The following KLHL29 variants were observed in gnomAD, a reference collection of about 807,000 sequenced individuals.
KLHL29 encodes kelch-like protein 29.
KLHL29 carries 21 observed loss-of-function variants against 80.4 expected under a neutral mutation model. The observed-to-expected ratio is 0.26, with a 90% confidence interval of 0.19 to 0.38. The LOEUF (loss-of-function observed/expected upper bound fraction) is 0.38. KLHL29 is among the 10% of genes least tolerant of loss of function. The probability of loss-of-function intolerance (pLI) is 1.00; values close to 1 mark genes in which losing one functional copy is unlikely to be tolerated. For missense variants in KLHL29, 867 were observed against 1,223.9 expected (o/e 0.71, Z 4.35); for synonymous variants, 511 against 526.8 (o/e 0.97, Z 0.41).
At chr2:23,634,215 C>T (rs1052297571) in intron 3 of KLHL29, among the ~76,000 whole-genome samples, 1 of 152,028 alleles carries the variant, frequency 6.6e-6, no homozygotes, top group Non-Finnish European at 1.5e-5. Context: ...CCACATGGTA[C>T]AGAGCATCGT....
chr2:23,557,597 G>A (rs17045548), intron 2 of KLHL29, among the ~76,000 whole-genome samples: 23,109 of 152,080 alleles, frequency 0.15, 2,584 homozygotes, highest in African/African-American at 0.29. Flanking sequence ...CACCAGAACT[G>A]TAAGGCGCGG....
intron 5 of KLHL29, among the ~76,000 whole-genome samples, chr2:23,660,063 C>G (rs755521029): frequency 1.2e-4 from 19 of 152,172 alleles, no homozygotes; most frequent in Non-Finnish European, 1.9e-4. Context: ...CCTGTTCCTC[C>G]TCCAGAAAAC....
intron 2 of KLHL29, among the ~76,000 whole-genome samples, chr2:23,506,372 T>A (rs921076340): frequency 6.6e-6 from 1 of 152,206 alleles, no homozygotes; most frequent in Non-Finnish European, 1.5e-5. Context: ...ATGGAACTAA[T>A]ACCTTCCCTA....
chr2:23,581,748 A>G lies in KLHL29; in HGVS notation c.285+19267A>G, dbSNP rs572615300. ...GAGGCTGAGGCAGGAGAATCGCTTG[A>G]ACCCGGGAGGTGGAGGTTGCAGTGA... is the stretch of plus-strand genomic sequence containing the variant. On this transcript the variant is annotated intron_variant, in intron 3 of 13. Transcript: ENST00000486442. Among the ~76,000 whole-genome samples, 223 of 138,898 alleles carry G rather than the reference A, an allele frequency of 1.6e-3. 1 individual carries two copies. The highest frequency in any genetic ancestry group is 5.6e-3 in the African/African-American group (208 of 37,308). 91.1% of individuals were successfully genotyped at this position (138,898 alleles called of 152,430 possible).
At chr2:23,551,231 A>G (rs1572395361) in intron 2 of KLHL29, among the ~76,000 whole-genome samples, 2 of 152,156 alleles carry the variant, frequency 1.3e-5, no homozygotes, top group South Asian at 2.1e-4. Flanking sequence ...TGTCATTTCC[A>G]GTATCTTTTT....
intron 3 of KLHL29, among the ~76,000 whole-genome samples, chr2:23,592,994 C>T (rs1424620067): frequency 6.6e-6 from 1 of 152,192 alleles, no homozygotes; most frequent in Non-Finnish European, 1.5e-5. Flanking sequence ...TTGTTCTCTG[C>T]TCGAGTGCTG....
At chr2:23,540,920 A>G (rs1404341693) in intron 2 of KLHL29, among the ~76,000 whole-genome samples, 1 of 152,104 alleles carries the variant, frequency 6.6e-6, no homozygotes. Flanking sequence ...TATCTATGGG[A>G]TTTGGGTCTG....
At chr2:23,393,472 C>A (rs1204195141) in intron 1 of KLHL29, among the ~76,000 whole-genome samples, 3 of 152,186 alleles carry the variant, frequency 2.0e-5, no homozygotes, top group African/African-American at 7.2e-5. Flanking sequence ...TCTGTCCTCT[C>A]TCAGGGGCTT....
chr2:23,595,544 C>A (rs774626061), intron 3 of KLHL29, among the ~76,000 whole-genome samples: 17 of 152,228 alleles, frequency 1.1e-4, no homozygotes, highest in Non-Finnish European at 2.4e-4. Context: ...GAGGTACAGT[C>A]AGCAGTAGAA....
intron 2 of KLHL29, among the ~76,000 whole-genome samples, chr2:23,509,246 C>T (rs1306966255): frequency 6.6e-6 from 1 of 152,170 alleles, no homozygotes; most frequent in Non-Finnish European, 1.5e-5. Flanking sequence ...CTCCACACTG[C>T]AAGGACTCTC....
intron 3 of KLHL29, chr2:23,616,450 T>C (rs1192000065): frequency 6.6e-6 from 1 of 152,240 alleles, no homozygotes; most frequent in Admixed American, 6.5e-5. Flanking sequence ...CTCTAAATGT[T>C]GTCCTCGCCC....
intron 3 of KLHL29, among the ~76,000 whole-genome samples, chr2:23,633,669 G>A (rs1049067603): frequency 6.6e-6 from 1 of 151,902 alleles, no homozygotes. Context: ...AGATACCAAG[G>A]CAGAAGCCTC....
intron 2 of KLHL29, among the ~76,000 whole-genome samples, chr2:23,518,412 C>G (rs1666003470): frequency 6.6e-6 from 1 of 152,236 alleles, no homozygotes; most frequent in African/African-American, 2.4e-5. Context: ...GAGCAAGAGC[C>G]TGGCTGCAAA....
chr2:23,453,435 C>A (rs1018760799), intron 1 of KLHL29, among the ~76,000 whole-genome samples: 1 of 152,252 alleles, frequency 6.6e-6, no homozygotes, highest in Non-Finnish European at 1.5e-5. Context: ...TTCAGAAATG[C>A]GATTGAAAAT....
In KLHL29 at chr2:23,568,411, C is replaced by T. The variant is rs1330355706; in HGVS notation, c.285+5930C>T. On this transcript the variant is annotated intron_variant, in intron 3 of 13. Transcript: ENST00000486442. ...GGCTGTCTCATTTATCTGTGGTCTG[C>T]TGTAGGTTGGCTAGTGGCTGGATGA... Among the ~76,000 whole-genome samples the T allele has an allele frequency of 2.0e-5, 3 of 152,266 alleles. 1 individual carries two copies. In the East Asian group the frequency reaches 5.8e-4, roughly 29 times the overall value.
rs1666157004 is a variant in KLHL29, at chr2:23,385,752, C to CGGGCCG, written c.-174_-169dup. On this transcript the variant is annotated 5_prime_UTR_variant, in exon 1 of 14. Transcript: ENST00000486442. ...CCGCGACCCCGGGCTCTCTGCGCGTCGGGCCGGGGCCGGAGCCGCGCGCCG... is the reference window on the plus strand; with the variant it reads ...CCGCGACCCCGGGCTCTCTGCGCGTCGGGCCGGGGCCGGGGCCGGAGCCGCGCGCCG... The CGGGCCG allele has an allele frequency of 8.4e-6, 1 of 119,172 alleles. No homozygotes were observed. The highest frequency in any genetic ancestry group is 3.9e-3 in the Middle Eastern group (1 of 254). 7.4% of individuals were successfully genotyped at this position (119,172 alleles called of 1,614,324 possible). A position where few individuals can be genotyped will look rare whatever the true frequency, so the allele number is the denominator to read the frequency against.
intron 3 of KLHL29, among the ~76,000 whole-genome samples, chr2:23,582,877 T>C (rs747905124): frequency 2.6e-5 from 4 of 152,184 alleles, no homozygotes; most frequent in African/African-American, 7.2e-5. Context: ...AACGTGACCT[T>C]GTTTGGAAAT....
At chr2:23,555,818 AC>A in intron 2 of KLHL29, among the ~76,000 whole-genome samples, 1 of 152,274 alleles carries the variant, frequency 6.6e-6, no homozygotes, top group Middle Eastern at 3.4e-3. Flanking sequence ...CCTCTGCCCC[AC>A]CTCCTCTGAG....
At chr2:23,430,222 T>C (rs557054424) in intron 1 of KLHL29, among the ~76,000 whole-genome samples, 1 of 152,326 alleles carries the variant, frequency 6.6e-6, no homozygotes, top group South Asian at 2.1e-4. Flanking sequence ...GAGGGAGGCC[T>C]GCCATCCTGC....
Sources: gnomAD v4.1 joint callset for allele counts (sites outside exome capture counted in the v4.1 genomes callset) on GRCh38, gnomAD v4.1.1 for gene constraint, MANE v1.5 for transcripts, NCBI Gene and HGNC (gene_info 2026-07-23, HGNC 2026-07-21) for gene names.